The following EYS variants were observed in gnomAD, a reference collection of about 807,000 sequenced individuals.
EYS encodes EGF-like photoreceptor maintenance factor.
Under a neutral mutation model 282.1 loss-of-function variants are expected in EYS, and 250 were observed. That is an observed-to-expected ratio of 0.89 (90% CI 0.80 to 0.98). The LOEUF (loss-of-function observed/expected upper bound fraction) is 0.98, where lower values mean the gene tolerates loss of function less well. Ranked by LOEUF, EYS falls within the 50% of genes least tolerant of loss-of-function variation. The pLI is 0.00. For synonymous variants in EYS, 1,355 were observed against 1,282.9 expected (o/e 1.06, Z -1.20); for missense variants, 4,016 against 3,709.0 (o/e 1.08, Z -2.15).
intron 26 of EYS, among the ~76,000 whole-genome samples, chr6:64,466,486 A>G (rs1468388557): frequency 6.6e-6 from 1 of 152,168 alleles, no homozygotes; most frequent in Non-Finnish European, 1.5e-5. Flanking sequence ...ATGTAAAGTG[A>G]ATAAGCCAGG....
At chr6:64,786,166 T>C (rs1460964082) in intron 22 of EYS, among the ~76,000 whole-genome samples, 1 of 150,762 alleles carries the variant, frequency 6.6e-6, no homozygotes, top group Non-Finnish European at 1.5e-5. Flanking sequence ...CCTTTAGACT[T>C]GGTAGTCTTT....
At position 63,937,188 on chromosome 6, in the gene EYS, T is replaced by G. The variant is rs149991873; in HGVS notation, c.7055+47195A>C. Among the ~76,000 whole-genome samples the G allele has an allele frequency of 4.9e-3, 741 of 151,850 alleles. 9 individuals are homozygous for G. Among genetic ancestry groups the G allele is most frequent in the African/African-American group, 0.017 (705 of 41,410 alleles). The stretch of plus-strand genomic sequence containing the variant: ...ATCGGATATAGTCCTTGTCCTCAAG[T>G]AGTGGGGAAAACAGACACATAAAAT... On this transcript the variant is annotated intron_variant, in intron 35 of 42. Transcript: ENST00000503581.
intron 22 of EYS, among the ~76,000 whole-genome samples, chr6:64,674,712 C>T (rs1253860428): frequency 6.7e-6 from 1 of 149,674 alleles, no homozygotes; most frequent in African/African-American, 2.5e-5. Context: ...TGTTATGCCT[C>T]TAACATTTCT....
chr6:64,327,797 C>A (rs1018890823), intron 29 of EYS, among the ~76,000 whole-genome samples: 1 of 152,182 alleles, frequency 6.6e-6, no homozygotes, highest in South Asian at 2.1e-4. Flanking sequence ...GCCCTCTATG[C>A]ACCAATTTAT....
chr6:64,669,390 T>C (rs1045277027), intron 22 of EYS, among the ~76,000 whole-genome samples: 1 of 151,456 alleles, frequency 6.6e-6, no homozygotes, highest in Non-Finnish European at 1.5e-5. Context: ...GTTTGCAGAG[T>C]GGGGGAAAGA....
intron 36 of EYS, among the ~76,000 whole-genome samples, chr6:63,861,513 G>A (rs115432032): frequency 0.011 from 1,644 of 152,242 alleles, 24 homozygotes; most frequent in African/African-American, 0.038. Flanking sequence ...AAGGCATCTG[G>A]AAATAAAAGT....
At chr6:65,237,986 G>A (rs917313021) in intron 12 of EYS, among the ~76,000 whole-genome samples, 1 of 151,978 alleles carries the variant, frequency 6.6e-6, no homozygotes, top group Non-Finnish European at 1.5e-5. Flanking sequence ...AAATGGTCAT[G>A]TAAAACCATA....
intron 26 of EYS, among the ~76,000 whole-genome samples, chr6:64,467,818 C>T (rs118036968): frequency 0.011 from 1,701 of 152,092 alleles, 44 homozygotes; most frequent in East Asian, 0.079. Flanking sequence ...TTTTGGGGAC[C>T]CAGGGATCAG....
intron 22 of EYS, among the ~76,000 whole-genome samples, chr6:64,779,023 C>T (rs1171501006): frequency 6.6e-6 from 1 of 152,112 alleles, no homozygotes; most frequent in Non-Finnish European, 1.5e-5. Context: ...GCAACAGGAA[C>T]TCCCAATCAT....
At chr6:64,552,919 C>T (rs1765128512) in intron 26 of EYS, among the ~76,000 whole-genome samples, 1 of 138,218 alleles carries the variant, frequency 7.2e-6, no homozygotes, top group South Asian at 2.8e-4. Flanking sequence ...CTCCATTCCC[C>T]CCCGCCCCCT....
chr6:65,420,518 C>T (rs953020172), intron 5 of EYS, among the ~76,000 whole-genome samples: 1 of 151,792 alleles, frequency 6.6e-6, no homozygotes, highest in African/African-American at 2.4e-5. Context: ...TCAAAGTCAC[C>T]CATGAAGGTT....
rs1383513366 is a variant in EYS, at chr6:64,081,953, C to A, written c.6474G>T (p.Leu2158=). ...TCTCCAGGACAAACTTCAAAAAGGG[C>A]AGTTCTAAATAGGAATTCCCATTGA... ...PSFNGNSYLE[L]PFLKFVLEKE... Residue 2158 remains leucine, a synonymous_variant, in exon 32 of 43, where the codon CTG becomes CTT. Coordinates refer to ENST00000503581, the MANE Select transcript of EYS (RefSeq NM_001142800.2). 1 of 1,544,720 alleles carries A rather than the reference C, an allele frequency of 6.5e-7. No homozygotes were observed. Among genetic ancestry groups the A allele is most frequent in the East Asian group, 2.5e-5 (1 of 40,710 alleles).
At chr6:64,500,579 G>A (rs16895335) in intron 26 of EYS, among the ~76,000 whole-genome samples, 2,124 of 152,140 alleles carry the variant, frequency 0.014, 36 homozygotes, top group African/African-American at 0.041. Context: ...AATACCAATG[G>A]TGTTCAAAAT....
intron 12 of EYS, among the ~76,000 whole-genome samples, chr6:65,124,100 G>T (rs1358178126): frequency 6.6e-6 from 1 of 152,024 alleles, no homozygotes; most frequent in African/African-American, 2.4e-5. Context: ...CTTGAGCCTA[G>T]GAGTCCAGGC....
intron 12 of EYS, among the ~76,000 whole-genome samples, chr6:65,255,276 AAAGAACAG>A (rs1378939762): frequency 6.6e-6 from 1 of 152,050 alleles, no homozygotes; most frequent in Non-Finnish European, 1.5e-5. Context: ...TACACTGGGG[AAAGAACAG>A]TATCTTCAAT....
intron 26 of EYS, among the ~76,000 whole-genome samples, chr6:64,515,269 C>A (rs1030905437): frequency 6.6e-6 from 1 of 151,422 alleles, no homozygotes; most frequent in Non-Finnish European, 1.5e-5. Flanking sequence ...TAAAATATAA[C>A]CTTACTTTCT....
intron 5 of EYS, among the ~76,000 whole-genome samples, chr6:65,443,526 T>C (rs935433107): frequency 1.3e-5 from 2 of 151,750 alleles, no homozygotes; most frequent in African/African-American, 4.8e-5. Context: ...TGTATGTATA[T>C]ACATATACTT....
At chr6:64,654,506 T>C (rs899950411) in intron 22 of EYS, among the ~76,000 whole-genome samples, 6 of 152,158 alleles carry the variant, frequency 3.9e-5, no homozygotes, top group African/African-American at 1.4e-4. Flanking sequence ...TCTGAGGAAG[T>C]GATTTGCAAG....
chr6:63,958,591 A>G (rs1029411135), intron 35 of EYS, among the ~76,000 whole-genome samples: 1 of 152,250 alleles, frequency 6.6e-6, no homozygotes, highest in Non-Finnish European at 1.5e-5. Flanking sequence ...CAGAGTTTCA[A>G]TGTAGCGAAA....
Sources: gnomAD v4.1 joint callset for allele counts (sites outside exome capture counted in the v4.1 genomes callset) on GRCh38, gnomAD v4.1.1 for gene constraint, MANE v1.5 for transcripts, NCBI Gene and HGNC (gene_info 2026-07-23, HGNC 2026-07-21) for gene names.